LHX4: variants seen among roughly 807,000 people sequenced by gnomAD.
The protein encoded by LHX4 is LIM/homeobox protein Lhx4.
A neutral mutation model predicts 39.2 loss-of-function variants in LHX4; 16 were observed. The observed-to-expected ratio is 0.41, with a 90% CI of 0.28 to 0.62. The LOEUF (loss-of-function observed/expected upper bound fraction) is 0.62, where lower values mean the gene tolerates loss of function less well. LHX4 is among the 20% of genes least tolerant of loss of function. The pLI is 0.33. For synonymous variants in LHX4, 206 were observed against 198.1 expected (o/e 1.04, Z -0.33); for missense variants, 439 against 511.9 (o/e 0.86, Z 1.37).
chr1:180,241,156 A>G (rs1571259819), intron 1 of LHX4, among the ~76,000 whole-genome samples: 1 of 152,348 alleles, frequency 6.6e-6, no homozygotes, highest in East Asian at 1.9e-4. Context: ...TACCATCCAC[A>G]TGTTCGGAGA....
intron 1 of LHX4, among the ~76,000 whole-genome samples, chr1:180,244,633 G>T (rs1647316173): frequency 6.6e-6 from 1 of 152,198 alleles, no homozygotes; most frequent in Admixed American, 6.5e-5. Context: ...TGTATTTGTG[G>T]CTGGGAGGAG....
intron 3 of LHX4, among the ~76,000 whole-genome samples, chr1:180,269,043 G>C (rs1648463507): frequency 6.6e-6 from 1 of 152,074 alleles, no homozygotes. Flanking sequence ...TAATGAGGTT[G>C]CGTTTTATGC....
chr1:180,259,464 G>A (rs1327079211), intron 2 of LHX4, among the ~76,000 whole-genome samples: 2 of 151,868 alleles, frequency 1.3e-5, no homozygotes, highest in Non-Finnish European at 2.9e-5. Context: ...GTGGGTGGCA[G>A]GCAGGGGCTG....
At chr1:180,229,428 G>A (rs1232592366), upstream of LHX4, among the ~76,000 whole-genome samples, 6 of 152,110 alleles carry the variant, frequency 3.9e-5, no homozygotes, top group Non-Finnish European at 8.8e-5. Flanking sequence ...ACGCGCGCGG[G>A]GGGCCTGCGT....
chr1:180,274,015 G>T, intron 5 of LHX4, 170 bp from the exon 6 acceptor site: 1 of 716,942 alleles, frequency 1.4e-6, no homozygotes, highest in Non-Finnish European at 2.4e-6. Flanking sequence ...GGCCTGGGTT[G>T]GCCTCTGGAT....
chr1:180,272,703 G>C (rs1342519524), intron 5 of LHX4: 1 of 152,264 alleles, frequency 6.6e-6, no homozygotes, highest in Admixed American at 6.5e-5. Context: ...CTGCGGAGGG[G>C]GAAAGGGAAG....
rs1025476022 is a variant in LHX4 at position 180,277,905 on chromosome 1, C to T, written c.*3326C>T. ...GGGGGGGCAGTGTAAAACATGAAAC[C>T]TAGTAAGATAATTGGGCCATTAGAT... On this transcript the variant is annotated 3_prime_UTR_variant, in exon 6 of 6. Coordinates refer to ENST00000263726, the MANE Select transcript of LHX4 (RefSeq NM_033343.4). The T allele has an allele frequency of 2.6e-5, 4 of 151,988 alleles. No individual in the cohort carries two copies. The highest frequency in any genetic ancestry group is 3.4e-3 in the Middle Eastern group (1 of 294). 9.4% of individuals were successfully genotyped at this position (151,988 alleles called of 1,614,324 possible). A position where few individuals can be genotyped will look rare whatever the true frequency, so the allele number is the denominator to read the frequency against.
At chr1:180,238,387 C>G (rs1360937499) in intron 1 of LHX4, among the ~76,000 whole-genome samples, 4 of 152,110 alleles carry the variant, frequency 2.6e-5, no homozygotes, top group Non-Finnish European at 5.9e-5. Flanking sequence ...TTTCTGGTTG[C>G]TAGTCATTTG....
intron 2 of LHX4, among the ~76,000 whole-genome samples, chr1:180,253,550 A>G (rs914966802): frequency 5.3e-5 from 8 of 152,160 alleles, no homozygotes; most frequent in African/African-American, 1.9e-4. Flanking sequence ...CTTTTGGTGA[A>G]CCCAAAAGGA....
chr1:180,271,422 C>G lies in LHX4; in HGVS notation c.494C>G (p.Thr165Arg), dbSNP rs1248874301. Reference sequence around the variant, plus strand: ...GCTAAGCGGCCCCGGACCACCATCACAGCCAAGCAGCTGGAGACATTAAAG... The same window carrying G: ...GCTAAGCGGCCCCGGACCACCATCAGAGCCAAGCAGCTGGAGACATTAAAG... The part of the protein sequence containing the change: ...AGAKRPRTTI[T>R]AKQLETLKNA... Residue 165 changes from threonine to arginine, a missense_variant, in exon 4 of 6, where the codon ACA becomes AGA. Transcript: ENST00000263726. 6.2e-7 allele frequency: 1 copy of G among 1,614,186 alleles called. No individual in the cohort carries two copies. Among genetic ancestry groups the G allele is most frequent in the Non-Finnish European group, 8.5e-7 (1 of 1,180,038 alleles).
chr1:180,229,021 C>T (rs937730373), upstream of LHX4, among the ~76,000 whole-genome samples: 1 of 152,208 alleles, frequency 6.6e-6, no homozygotes, highest in Non-Finnish European at 1.5e-5. Context: ...CCGGAGGCGT[C>T]GAGCGCCTGA....
chr1:180,247,006 G>A (rs1465053235), intron 1 of LHX4, among the ~76,000 whole-genome samples: 4 of 152,212 alleles, frequency 2.6e-5, no homozygotes, highest in East Asian at 1.9e-4. Flanking sequence ...TGTATCAGGA[G>A]GATACTGTAG....
At chr1:180,239,073 TA>T (rs1300957126) in intron 1 of LHX4, among the ~76,000 whole-genome samples, 2 of 152,250 alleles carry the variant, frequency 1.3e-5, no homozygotes, top group Non-Finnish European at 2.9e-5. Context: ...ACCTCTTAGT[TA>T]ATTTAATTTT....
chr1:180,240,956 C>G (rs955836897), intron 1 of LHX4, among the ~76,000 whole-genome samples: 1 of 152,136 alleles, frequency 6.6e-6, no homozygotes, highest in Admixed American at 6.5e-5. Flanking sequence ...ATTATGGCTA[C>G]CGGGGAAGGG....
intron 2 of LHX4, among the ~76,000 whole-genome samples, chr1:180,252,035 C>T (rs1032072443): frequency 2.0e-5 from 3 of 152,236 alleles, no homozygotes; most frequent in African/African-American, 7.2e-5. Context: ...GGCACAGCTG[C>T]AGGCTCCATC....
chr1:180,268,302 G>C (rs189596318), intron 3 of LHX4, among the ~76,000 whole-genome samples: 8 of 152,310 alleles, frequency 5.3e-5, no homozygotes, highest in Admixed American at 1.3e-4. Context: ...GCCTCATTTG[G>C]ACTCTGAGCA....
intron 3 of LHX4, 89 bp from the exon 4 acceptor site, chr1:180,271,291 G>A: frequency 6.9e-7 from 1 of 1,455,798 alleles, no homozygotes; most frequent in South Asian, 1.1e-5. Context: ...GGCAGGCTTA[G>A]GTGCAGAAAG....
chr1:180,258,837 A>G (rs1259386609), intron 2 of LHX4, among the ~76,000 whole-genome samples: 1 of 151,346 alleles, frequency 6.6e-6, no homozygotes, highest in Non-Finnish European at 1.5e-5. Flanking sequence ...GATAGTAATA[A>G]TAATTATTAT....
At chr1:180,231,265 G>T (rs2149250632) in intron 1 of LHX4, among the ~76,000 whole-genome samples, 1 of 152,114 alleles carries the variant, frequency 6.6e-6, no homozygotes, top group South Asian at 2.1e-4. Flanking sequence ...GTGAATTCCG[G>T]GTTCAGCCTT....
Sources: gnomAD v4.1 joint callset for allele counts (sites outside exome capture counted in the v4.1 genomes callset) on GRCh38, gnomAD v4.1.1 for gene constraint, MANE v1.5 for transcripts, NCBI Gene and HGNC (gene_info 2026-07-23, HGNC 2026-07-21) for gene names.